The following PKD2L2 variants were observed in gnomAD, a reference collection of about 807,000 sequenced individuals.
The protein encoded by PKD2L2 is polycystin-2-like protein 2.
A neutral mutation model predicts 83.9 loss-of-function variants in PKD2L2; 67 were observed. That is an observed-to-expected ratio of 0.80 (90% CI 0.66 to 0.98). The LOEUF (loss-of-function observed/expected upper bound fraction) is 0.98, where lower values mean the gene tolerates loss of function less well. Ranked by LOEUF, PKD2L2 falls within the 50% of genes least tolerant of loss-of-function variation. The pLI is 0.00. For synonymous variants in PKD2L2, 223 were observed against 237.8 expected (o/e 0.94, Z 0.57); for missense variants, 632 against 717.2 (o/e 0.88, Z 1.36).
rs573264088 is a variant in PKD2L2, at chr5:137,897,969, A to T, written c.525-1547A>T. On this transcript the variant is annotated intron_variant, in intron 4 of 14. Coordinates refer to ENST00000508883, the MANE Select transcript of PKD2L2 (RefSeq NM_001300921.2). ...AATAAAAAGAAGAAACAAAAAAAAA[A>T]TTTTTTTTTTTTTTTGAGACAGAGT... Among the ~76,000 whole-genome samples, 292 of 145,308 alleles carry T rather than the reference A, an allele frequency of 2.0e-3. 4 individuals carry two copies. The highest frequency in any genetic ancestry group is 0.011 in the Middle Eastern group (3 of 274).
In PKD2L2 at chr5:137,899,754, T is replaced by C; in HGVS notation, c.746+17T>C. ...TATTATCAGGTGAGTGACTCAAAAC[T>C]TTTTTTCATAGACAGTGGTCAATGG... On this transcript the variant is annotated intron_variant, in intron 5 of 14. Coordinates refer to ENST00000508883, the MANE Select transcript of PKD2L2 (RefSeq NM_001300921.2). The C allele has an allele frequency of 1.4e-6, 2 of 1,468,874 alleles. No homozygotes were observed. The highest frequency in any genetic ancestry group is 1.9e-6 in the Non-Finnish European group (2 of 1,055,936). 91.0% of individuals were successfully genotyped at this position (1,468,874 alleles called of 1,614,324 possible). A position where few individuals can be genotyped will look rare whatever the true frequency, so the allele number is the denominator to read the frequency against.
chr5:137,941,240 A>T (rs1039798965), intron 14 of PKD2L2, among the ~76,000 whole-genome samples: 2 of 151,858 alleles, frequency 1.3e-5, no homozygotes, highest in Non-Finnish European at 2.9e-5. Flanking sequence ...ATATGTGCCA[A>T]CCTATATAGG....
At chr5:137,923,985 ATT>A (rs1243267040) in intron 10 of PKD2L2, among the ~76,000 whole-genome samples, 1 of 152,182 alleles carries the variant, frequency 6.6e-6, no homozygotes, top group Non-Finnish European at 1.5e-5. Flanking sequence ...CATGAAAAGA[ATT>A]TGTTTCCTTG....
At chr5:137,929,342 T>C (rs1257233499) in intron 12 of PKD2L2, among the ~76,000 whole-genome samples, 3 of 151,626 alleles carry the variant, frequency 2.0e-5, no homozygotes, top group African/African-American at 7.3e-5. Context: ...ATGCCTGTAA[T>C]CCCAGCTACT....
chr5:137,890,349 G>C, intron 1 of PKD2L2, 132 bp from the exon 2 acceptor site: 1 of 596,526 alleles, frequency 1.7e-6, no homozygotes. Context: ...ACTAAGAATT[G>C]AAAAATAGCC....
chr5:137,920,770 A>AC (rs1416799883), intron 8 of PKD2L2, among the ~76,000 whole-genome samples: 3 of 151,426 alleles, frequency 2.0e-5, no homozygotes, highest in Non-Finnish European at 2.9e-5. Context: ...AAAAAAAAAA[A>AC]ATCACAAAGA....
At chr5:137,940,753 A>C (rs977357761) in intron 14 of PKD2L2, among the ~76,000 whole-genome samples, 1 of 152,224 alleles carries the variant, frequency 6.6e-6, no homozygotes, top group Non-Finnish European at 1.5e-5. Context: ...TCTTATCTGC[A>C]ACAAGAGTAA....
chr5:137,933,543 T>C (rs1760060919), intron 12 of PKD2L2, among the ~76,000 whole-genome samples: 2 of 152,192 alleles, frequency 1.3e-5, no homozygotes, highest in Admixed American at 6.5e-5. Context: ...TTTGTTTCTG[T>C]AACAGATTAC....
At chr5:137,917,322 A>T (rs1393193593) in intron 8 of PKD2L2, among the ~76,000 whole-genome samples, 1 of 151,536 alleles carries the variant, frequency 6.6e-6, no homozygotes, top group Non-Finnish European at 1.5e-5. Context: ...GTGCCACCAC[A>T]CCCATCTAAT....
At chr5:137,936,982 A>G (rs1322220323) in intron 14 of PKD2L2, among the ~76,000 whole-genome samples, 6 of 152,332 alleles carry the variant, frequency 3.9e-5, no homozygotes, top group Middle Eastern at 3.4e-3. Context: ...TAGAAAAGTG[A>G]AAGTACAAGA....
intron 8 of PKD2L2, among the ~76,000 whole-genome samples, chr5:137,916,770 C>A (rs1030215591): frequency 1.3e-5 from 2 of 152,140 alleles, no homozygotes; most frequent in Non-Finnish European, 2.9e-5. Flanking sequence ...AGCCACTGAG[C>A]CTGGCTGCCA....
chr5:137,925,603 T>TA (rs1399505184), intron 11 of PKD2L2, among the ~76,000 whole-genome samples: 2 of 152,372 alleles, frequency 1.3e-5, no homozygotes, highest in African/African-American at 4.8e-5. Flanking sequence ...TACTTATACT[T>TA]ACACTGTATT....
chr5:137,891,577 A>G (rs747267940), intron 2 of PKD2L2, among the ~76,000 whole-genome samples: 2 of 152,224 alleles, frequency 1.3e-5, no homozygotes, highest in Non-Finnish European at 2.9e-5. Flanking sequence ...GAACATTTGG[A>G]AAATGTAAAA....
rs79721199 is a variant in PKD2L2, at chr5:137,921,698, C to G, written c.1391C>G (p.Pro464Arg). ...FNFAGIQQAN[P>R]ILGPIYFITF... ...TTTGCTGGTATTCAGCAAGCCAATC[C>G]TATCTTGGGACCCATTTACTTCATC... The change falls in exon 9 of 15, where the codon CCT becomes CGT. Residue 464 changes from proline (P) to arginine (R), a missense_variant. Around this residue, in one of 3 missense-constraint regions of PKD2L2, gnomAD observed 399 missense variants for 416.9 expected, o/e 0.96. Coordinates refer to ENST00000508883, the MANE Select transcript of PKD2L2 (RefSeq NM_001300921.2). 4.3e-5 allele frequency: 69 copies of G among 1,608,242 alleles called. 1 individual carries two copies. Among genetic ancestry groups the G allele is most frequent in the Non-Finnish European group, 5.6e-5 (66 of 1,175,824 alleles).
rs1174883587 is a variant in PKD2L2, at chr5:137,940,588, TAGATAACTGGAGGAAACCC to T, written c.*18-1793_*18-1775del. ...ATGCTATACTTATAAATAATCAACA[TAGATAACTGGAGGAAACCC>T]AGTATTTTAACAGGACATCCAGTGC... is the stretch of plus-strand genomic sequence containing the variant. On this transcript the variant is annotated intron_variant, in intron 14 of 14. Coordinates refer to ENST00000508883, the MANE Select transcript of PKD2L2 (RefSeq NM_001300921.2). 38 of 379,378 alleles carry T rather than the reference TAGATAACTGGAGGAAACCC, an allele frequency of 1.0e-4. No homozygotes were observed. In the East Asian group the frequency reaches 1.8e-3, roughly 18 times the overall value. 23.5% of individuals were successfully genotyped at this position (379,378 alleles called of 1,614,324 possible). A position where few individuals can be genotyped will look rare whatever the true frequency, so the allele number is the denominator to read the frequency against.
chr5:137,909,029 T>A, intron 8 of PKD2L2, 83 bp downstream of exon 8: 1 of 723,622 alleles, frequency 1.4e-6, no homozygotes. Flanking sequence ...CTATGATAAG[T>A]AGTAATATAA....
chr5:137,927,528 G>A (rs1358462773), intron 12 of PKD2L2, among the ~76,000 whole-genome samples: 1 of 152,154 alleles, frequency 6.6e-6, no homozygotes, highest in Non-Finnish European at 1.5e-5. Flanking sequence ...TGGGGCAACT[G>A]ATAAACTTGA....
chr5:137,925,335 A>G (rs1759292154), intron 11 of PKD2L2, among the ~76,000 whole-genome samples: 1 of 152,120 alleles, frequency 6.6e-6, no homozygotes, highest in Non-Finnish European at 1.5e-5. Flanking sequence ...TAATTGCAAA[A>G]CCACCACCAA....
chr5:137,926,063 CA>C lies in PKD2L2; in HGVS notation c.1671+135del. 5.3e-6 allele frequency: 3 copies of C among 567,868 alleles called. No individual in the cohort carries two copies. The African/African-American group carries it at 5.6e-5, about 11-fold the overall frequency. The allele number at this position is 567,868 out of a possible 1,614,324, so 35.2% of individuals were successfully genotyped here. On this transcript the variant is annotated intron_variant, in intron 12 of 14. Transcript: ENST00000508883. ...AATTGTCATCTCCAAATAAATCTCC[CA>C]GAATCTAGATCCTTTCATGTTTAGG... is the stretch of plus-strand genomic sequence containing the variant.
Sources: allele counts gnomAD v4.1 joint callset (sites outside exome capture counted in the v4.1 genomes callset), GRCh38; gene constraint gnomAD v4.1.1; regional missense constraint gnomAD v4.1.1; transcripts MANE v1.5; gene names NCBI Gene and HGNC (gene_info 2026-07-23, HGNC 2026-07-21).